SEC24B: variants seen among roughly 807,000 people sequenced by gnomAD.
SEC24B encodes protein transport protein Sec24B.
In SEC24B, 45 loss-of-function variants were observed where a neutral mutation model predicts 142.8. That is an observed-to-expected ratio of 0.32 (90% confidence interval 0.25 to 0.40). The LOEUF is 0.40. SEC24B is among the 10% of genes least tolerant of loss of function. The pLI is 1.00. For synonymous variants in SEC24B, 574 were observed against 568.2 expected (o/e 1.01, Z -0.15); for missense variants, 1,409 against 1,526.8 (o/e 0.92, Z 1.29).
At chr4:109,480,632 C>T (rs1404078589) in intron 3 of SEC24B, among the ~76,000 whole-genome samples, 1 of 152,098 alleles carries the variant, frequency 6.6e-6, no homozygotes, top group African/African-American at 2.4e-5. Context: ...AGGCGTGCGC[C>T]ACCACGCCCA....
intron 4 of SEC24B, among the ~76,000 whole-genome samples, chr4:109,486,378 A>G (rs1038979744): frequency 6.6e-6 from 1 of 152,138 alleles, no homozygotes; most frequent in South Asian, 2.1e-4. Flanking sequence ...TTGTTGACCC[A>G]TATTGCTTGT....
chr4:109,529,542 C>G (rs1320835677), intron 18 of SEC24B, among the ~76,000 whole-genome samples: 2 of 151,882 alleles, frequency 1.3e-5, no homozygotes, highest in African/African-American at 2.4e-5. Context: ...TTTTCCCTTT[C>G]AAAAAATTTG....
intron 6 of SEC24B, among the ~76,000 whole-genome samples, chr4:109,505,749 G>A (rs1736607974): frequency 6.6e-6 from 1 of 152,104 alleles, no homozygotes; most frequent in South Asian, 2.1e-4. Context: ...GTGTAAGAAA[G>A]CAAGGAAACT....
At chr4:109,469,974 A>G (rs1256708153) in intron 2 of SEC24B, among the ~76,000 whole-genome samples, 1 of 152,254 alleles carries the variant, frequency 6.6e-6, no homozygotes, top group Non-Finnish European at 1.5e-5. Flanking sequence ...TTGAATAGGC[A>G]TTGCACAGAA....
chr4:109,440,070 A>G (rs1728798245), intron 1 of SEC24B, among the ~76,000 whole-genome samples: 1 of 151,682 alleles, frequency 6.6e-6, no homozygotes, highest in Middle Eastern at 3.2e-3. Flanking sequence ...TGGTGAGCCA[A>G]GATTGTGCCA....
At position 109,473,526 on chromosome 4, in the gene SEC24B, C is replaced by T. The variant is rs548458435; in HGVS notation, c.1060+340C>T. ...TTCTTTTAGGATAGAGAAGCCAAAA[C>T]TTTATTATTTAGTGACTCTCCATAT... On this transcript the variant is annotated intron_variant, in intron 3 of 23. Transcript: ENST00000265175. 4.5e-4 allele frequency among the ~76,000 whole-genome samples: 69 copies of T among 152,172 alleles called. 1 individual carries two copies. Among genetic ancestry groups the T allele is most frequent in the African/African-American group, 1.6e-3 (68 of 41,514 alleles).
intron 5 of SEC24B, among the ~76,000 whole-genome samples, chr4:109,493,631 C>G (rs1257094432): frequency 1.4e-5 from 2 of 141,344 alleles, no homozygotes; most frequent in African/African-American, 5.3e-5. Flanking sequence ...TAGATACTAC[C>G]TTTTTTTTTT....
chr4:109,451,357 A>ATT (rs34643747), intron 1 of SEC24B, among the ~76,000 whole-genome samples: 29 of 138,886 alleles, frequency 2.1e-4, no homozygotes, highest in Middle Eastern at 3.8e-3. Flanking sequence ...TGCCTTGCTA[A>ATT]TTTTTTTTTT....
chr4:109,493,886 C>T (rs116519729), intron 5 of SEC24B, among the ~76,000 whole-genome samples: 1,672 of 152,280 alleles, frequency 0.011, 32 homozygotes, highest in African/African-American at 0.038. Flanking sequence ...TGAGCTACCA[C>T]GCCCAGCCTC....
At chr4:109,502,794 TTCTC>T (rs1459975263) in intron 6 of SEC24B, among the ~76,000 whole-genome samples, 1 of 152,200 alleles carries the variant, frequency 6.6e-6, no homozygotes, top group Non-Finnish European at 1.5e-5. Flanking sequence ...AATTGCCCCT[TTCTC>T]TATATTGTGA....
At chr4:109,503,690 C>T (rs1561145607) in intron 6 of SEC24B, among the ~76,000 whole-genome samples, 1 of 152,062 alleles carries the variant, frequency 6.6e-6, no homozygotes, top group Non-Finnish European at 1.5e-5. Context: ...TTGTTTTTAC[C>T]TTTGTTTGTA....
intron 1 of SEC24B, among the ~76,000 whole-genome samples, chr4:109,460,592 G>A (rs1253682990): frequency 6.6e-6 from 1 of 152,046 alleles, no homozygotes; most frequent in Non-Finnish European, 1.5e-5. Context: ...CAGATTGCCT[G>A]ATTCAAATTC....
In SEC24B at chr4:109,463,204, C is replaced by A; in HGVS notation, c.437C>A (p.Thr146Lys). Reference sequence around the variant, plus strand: ...GCATCGTCAGCATCCCATTTGCATACGAGTGCCTCCCAACCATACTCCTCT... The same window carrying A: ...GCATCGTCAGCATCCCATTTGCATAAGAGTGCCTCCCAACCATACTCCTCT... ...GAASSASHLH[T>K]SASQPYSSFV... is the part of the protein sequence containing the mutation. Residue 146 changes from threonine to lysine, a missense_variant, in exon 2 of 24, where the codon ACG becomes AAG. Around this residue, in one of 2 missense-constraint regions of SEC24B, gnomAD observed 709 missense variants for 673.5 expected, o/e 1.05. Coordinates refer to ENST00000265175, the MANE Select transcript of SEC24B (RefSeq NM_006323.5). The A allele has an allele frequency of 6.2e-7, 1 of 1,614,172 alleles. No homozygotes were observed. Among genetic ancestry groups the A allele is most frequent in the Non-Finnish European group, 8.5e-7 (1 of 1,180,048 alleles).
intron 4 of SEC24B, among the ~76,000 whole-genome samples, chr4:109,490,577 G>T (rs1734923686): frequency 6.6e-6 from 1 of 151,984 alleles, no homozygotes; most frequent in Non-Finnish European, 1.5e-5. Flanking sequence ...ATAATTGTAG[G>T]TCTCAAAATA....
chr4:109,494,597 T>C lies in SEC24B; in HGVS notation c.1247-18T>C, dbSNP rs764978078. 1.6e-5 allele frequency: 26 copies of C among 1,613,292 alleles called. No individual in the cohort carries two copies. The Middle Eastern group carries it at 6.6e-4, about 41-fold the overall frequency. ...TCTTGATTTTCAGTTGTTAACACCA[T>C]GTGTTTCCATTTTTTAGATATGCTT... On this transcript the variant is annotated intron_variant, in intron 5 of 23. Transcript: ENST00000265175.
Position 109,540,280 on chromosome 4 carries a change from A to G in SEC24B, c.*605A>G, listed in dbSNP as rs974231812. Reference sequence around the variant, plus strand: ...TGTAACTATAGCATATGAATTGCTTAAACTGTGCTGCATTGTTGGATGACA... The same window carrying G: ...TGTAACTATAGCATATGAATTGCTTGAACTGTGCTGCATTGTTGGATGACA... On this transcript the variant is annotated 3_prime_UTR_variant, in exon 24 of 24. Coordinates refer to ENST00000265175, the MANE Select transcript of SEC24B (RefSeq NM_006323.5). 6.5e-6 allele frequency: 1 copy of G among 152,696 alleles called. No individual in the cohort carries two copies. The highest frequency in any genetic ancestry group is 6.5e-5 in the Admixed American group (1 of 15,278). 9.5% of individuals were successfully genotyped at this position (152,696 alleles called of 1,614,324 possible).
At chr4:109,437,952 A>C (rs1165223624) in intron 1 of SEC24B, among the ~76,000 whole-genome samples, 4 of 152,188 alleles carry the variant, frequency 2.6e-5, no homozygotes, top group Non-Finnish European at 5.9e-5. Flanking sequence ...TTGTTTTTCC[A>C]AAGGATATTG....
intron 3 of SEC24B, among the ~76,000 whole-genome samples, chr4:109,476,870 G>A (rs1012141795): frequency 2.0e-5 from 3 of 152,070 alleles, no homozygotes; most frequent in Non-Finnish European, 4.4e-5. Context: ...GGGCGCAGTG[G>A]CTCACGCCTG....
chr4:109,524,088 C>G (rs1723955426), intron 14 of SEC24B, among the ~76,000 whole-genome samples: 1 of 152,126 alleles, frequency 6.6e-6, no homozygotes, highest in Non-Finnish European at 1.5e-5. Flanking sequence ...ACACAGGAAG[C>G]TGATATATAT....
Sources: gnomAD v4.1 joint callset for allele counts (sites outside exome capture counted in the v4.1 genomes callset) on GRCh38, gnomAD v4.1.1 for gene constraint, gnomAD v4.1.1 regional missense constraint, MANE v1.5 for transcripts, NCBI Gene and HGNC (gene_info 2026-07-23, HGNC 2026-07-21) for gene names.